SUMF1: variants seen among roughly 807,000 people sequenced by gnomAD.
SUMF1 encodes the protein formylglycine-generating enzyme.
In SUMF1, 48 loss-of-function variants were observed where a neutral mutation model predicts 47.6. The ratio of observed to expected loss-of-function variants is 1.01; its 90% CI spans 0.80 to 1.28. The LOEUF (loss-of-function observed/expected upper bound fraction) is 1.28, where lower values mean the gene tolerates loss of function less well. Among genes scored for constraint, SUMF1 ranks in the 50% most tolerant of loss-of-function variants. The pLI, the probability that SUMF1 is intolerant of heterozygous loss-of-function variation, is 0.00. For missense variants in SUMF1, 571 were observed against 485.4 expected (o/e 1.18, Z -1.66); for synonymous variants, 230 against 192.1 (o/e 1.20, Z -1.63).
At chr3:4,407,731 GA>G (rs1320490773) in intron 7 of SUMF1, among the ~76,000 whole-genome samples, 46 of 152,338 alleles carry the variant, frequency 3.0e-4, no homozygotes, top group African/African-American at 1.0e-3. Flanking sequence ...TCAAATCCTA[GA>G]GAGGTGAAAC....
intron 8 of SUMF1, among the ~76,000 whole-genome samples, chr3:4,124,033 C>T (rs777845422): frequency 2.0e-5 from 3 of 152,086 alleles, no homozygotes; most frequent in Admixed American, 6.6e-5. Flanking sequence ...TCTTTACTTA[C>T]GAGAATGATT....
rs114507407 is a variant in SUMF1 at position 4,400,579 on chromosome 3, C to T, written c.954+10286G>A. 9.3e-3 allele frequency among the ~76,000 whole-genome samples: 1,420 copies of T among 152,256 alleles called. 16 individuals are homozygous for T. The highest frequency in any genetic ancestry group is 0.03 in the African/African-American group (1,260 of 41,552). ...CAATGCTGAAGGGGAAAGGATTTTC[C>T]AAAGGGAGATGTTCCAACCAAGAGG... is the stretch of plus-strand genomic sequence containing the variant. On this transcript the variant is annotated intron_variant, in intron 7 of 8. Coordinates refer to ENST00000272902, the MANE Select transcript of SUMF1 (RefSeq NM_182760.4).
chr3:4,334,658 T>A (rs1699110492), intron 8 of SUMF1, among the ~76,000 whole-genome samples: 1 of 152,146 alleles, frequency 6.6e-6, no homozygotes, highest in African/African-American at 2.4e-5. Context: ...CTAAAAGACA[T>A]TCACACAAGT....
intron 8 of SUMF1, among the ~76,000 whole-genome samples, chr3:4,280,814 CGTGTGTGTGTGTGTGTGT>C (rs56919301): frequency 0.029 from 3,938 of 138,074 alleles, 84 homozygotes; most frequent in African/African-American, 0.048. Context: ...TGGCATTCAC[CGTGTGTGTGTGTGTGTGT>C]GTGTGTGTGT....
At chr3:4,126,410 T>C (rs906212951) in intron 8 of SUMF1, among the ~76,000 whole-genome samples, 1 of 152,128 alleles carries the variant, frequency 6.6e-6, no homozygotes, top group African/African-American at 2.4e-5. Context: ...CTCTTCTTTC[T>C]CTAAACACAA....
At chr3:4,287,557 T>C (rs1310530035) in intron 8 of SUMF1, among the ~76,000 whole-genome samples, 3 of 152,180 alleles carry the variant, frequency 2.0e-5, no homozygotes, top group Non-Finnish European at 4.4e-5. Flanking sequence ...TGCTTAGTAT[T>C]ACAGCAATTA....
rs569480252 is a variant in SUMF1, at chr3:4,407,121, C to A, written c.954+3744G>T. Among the ~76,000 whole-genome samples, 74 of 151,682 alleles carry A rather than the reference C, an allele frequency of 4.9e-4. 1 individual carries two copies. Among genetic ancestry groups the A allele is most frequent in the African/African-American group, 1.8e-3 (73 of 41,224 alleles). On this transcript the variant is annotated intron_variant, in intron 7 of 8. Coordinates refer to ENST00000272902, the MANE Select transcript of SUMF1 (RefSeq NM_182760.4). ...ACACACACACACACACACGTTAACA[C>A]CAAGCTGACCTTTTTTTCCCATGGC...
chr3:4,167,203 G>A (rs538728954), intron 8 of SUMF1, among the ~76,000 whole-genome samples: 11 of 152,096 alleles, frequency 7.2e-5, no homozygotes, highest in South Asian at 6.2e-4. Flanking sequence ...GTGAGCAGCC[G>A]CAAGATTTAT....
At chr3:4,430,317 G>C (rs1702194100) in intron 3 of SUMF1, among the ~76,000 whole-genome samples, 1 of 152,258 alleles carries the variant, frequency 6.6e-6, no homozygotes, top group African/African-American at 2.4e-5. Flanking sequence ...GGTAAGTCTT[G>C]AGTAACGGGA....
In SUMF1 at chr3:4,107,660, G is replaced by A. The variant is rs890233936; in HGVS notation, c.1015-38915C>T. On this transcript the variant is annotated intron_variant and NMD_transcript_variant, in intron 8 of 12. Transcript: ENST00000448413. ...GGAAGAAATTATTCCCTATTAAAGC[G>A]CAAATATCAGGGCCTAGTGTGGCAA... Among the ~76,000 whole-genome samples, 13 of 152,106 alleles carry A rather than the reference G, an allele frequency of 8.5e-5. 1 individual carries two copies. The highest frequency in any genetic ancestry group is 4.2e-4 in the South Asian group (2 of 4,810).
intron 9 of SUMF1, among the ~76,000 whole-genome samples, chr3:4,056,145 G>A (rs935779613): frequency 1.3e-5 from 2 of 152,040 alleles, no homozygotes; most frequent in Middle Eastern, 3.4e-3. Flanking sequence ...CTCCTTTACC[G>A]TGTAACCTAA....
chr3:4,373,194 C>T lies in SUMF1; in HGVS notation c.1014+3136G>A, dbSNP rs115357450. Among the ~76,000 whole-genome samples the T allele has an allele frequency of 9.2e-3, 768 of 83,210 alleles. 7 individuals carry two copies. The highest frequency in any genetic ancestry group is 0.021 in the African/African-American group (730 of 34,270). The allele number at this position is 83,210 out of a possible 152,430, so 54.6% of individuals were successfully genotyped here. A position where few individuals can be genotyped will look rare whatever the true frequency, so the allele number is the denominator to read the frequency against. On this transcript the variant is annotated intron_variant, in intron 8 of 8. Transcript: ENST00000272902. The stretch of plus-strand genomic sequence containing the variant: ...AATGGGGTGATAAAAAGTATGTAAT[C>T]GAAAAGAAGACAAACAGAGAACAAC...
At chr3:4,157,205 C>A (rs1694472182) in intron 8 of SUMF1, among the ~76,000 whole-genome samples, 1 of 151,498 alleles carries the variant, frequency 6.6e-6, no homozygotes, top group Non-Finnish European at 1.5e-5. Flanking sequence ...CAGACATCTC[C>A]AATTCAGAAT....
At chr3:4,296,399 A>T (rs186932746) in intron 8 of SUMF1, among the ~76,000 whole-genome samples, 34 of 152,218 alleles carry the variant, frequency 2.2e-4, no homozygotes, top group African/African-American at 8.2e-4. Context: ...GTCTGTTCTC[A>T]GGCTGCTAAT....
chr3:4,350,161 A>T (rs9867078), intron 8 of SUMF1, among the ~76,000 whole-genome samples: 1 of 151,440 alleles, frequency 6.6e-6, no homozygotes, highest in Admixed American at 6.6e-5. Flanking sequence ...CCACCACGCC[A>T]GGCTAATTTT....
chr3:4,124,804 A>G (rs1451654225), intron 8 of SUMF1, among the ~76,000 whole-genome samples: 3 of 77,906 alleles, frequency 3.9e-5, no homozygotes, highest in Non-Finnish European at 9.0e-5. Flanking sequence ...TGTATCTAAT[A>G]TCAAAAAAAA....
At chr3:4,122,377 G>A (rs1693564974) in intron 8 of SUMF1, among the ~76,000 whole-genome samples, 1 of 152,148 alleles carries the variant, frequency 6.6e-6, no homozygotes, top group African/African-American at 2.4e-5. Context: ...CAGATTGGTG[G>A]TGGCTAGGGT....
Sources: allele counts gnomAD v4.1 joint callset (sites outside exome capture counted in the v4.1 genomes callset), GRCh38; gene constraint gnomAD v4.1.1; transcripts MANE v1.5; gene names NCBI Gene and HGNC (gene_info 2026-07-23, HGNC 2026-07-21).